PRDM16: variants seen among roughly 807,000 people sequenced by gnomAD.
The protein encoded by PRDM16 is histone-lysine N-methyltransferase PRDM16.
Under a neutral mutation model 110.6 loss-of-function variants are expected in PRDM16, and 23 were observed. The observed-to-expected ratio is 0.21, with a 90% confidence interval of 0.15 to 0.29. PRDM16 has a LOEUF of 0.29. Ranked by LOEUF, PRDM16 falls within the 10% of genes least tolerant of loss-of-function variation. The pLI, the probability that PRDM16 is intolerant of heterozygous loss-of-function variation, is 1.00. For synonymous variants in PRDM16, 799 were observed against 781.8 expected (o/e 1.02, Z -0.37); for missense variants, 1,615 against 1,794.3 (o/e 0.90, Z 1.81).
chr1:3,203,895 C>G (rs1030677765), intron 2 of PRDM16, among the ~76,000 whole-genome samples: 11 of 152,152 alleles, frequency 7.2e-5, no homozygotes, highest in African/African-American at 2.7e-4. Context: ...TGGGCCTGGG[C>G]ATTTCCAGGT....
chr1:3,313,248 A>G (rs567788830), intron 3 of PRDM16, among the ~76,000 whole-genome samples: 8 of 152,308 alleles, frequency 5.3e-5, no homozygotes, highest in African/African-American at 1.9e-4. Context: ...AAGGAATGTG[A>G]CCGCGCTGTC....
At position 3,402,900 on chromosome 1, in the gene PRDM16, G is replaced by A. The variant is rs1379077874; in HGVS notation, c.786G>A (p.Glu262=). ...GCTCAGTGGGGGCTGCGCTCTACGA[G>A]GGCCTGGCTGAGGAGCTCAAGCCCG... The part of the protein sequence containing the change: ...TCGSVGAALY[E]GLAEELKPEG... Residue 262 remains glutamate (E), a synonymous_variant, in exon 6 of 17, where the codon GAG becomes GAA. Coordinates refer to ENST00000270722, the MANE Select transcript of PRDM16 (RefSeq NM_022114.4). 1 of 1,613,002 alleles carries A rather than the reference G, an allele frequency of 6.2e-7. No individual in the cohort carries two copies. Among genetic ancestry groups the A allele is most frequent in the Non-Finnish European group, 8.5e-7 (1 of 1,179,990 alleles).
intron 1 of PRDM16, among the ~76,000 whole-genome samples, chr1:3,087,617 G>C (rs1275621212): frequency 2.6e-5 from 4 of 152,168 alleles, no homozygotes; most frequent in Non-Finnish European, 5.9e-5. Flanking sequence ...TGCATTCTTA[G>C]TCAAAAATGC....
intron 3 of PRDM16, among the ~76,000 whole-genome samples, chr1:3,378,958 A>T (rs1054805447): frequency 3.3e-5 from 5 of 151,922 alleles, no homozygotes; most frequent in African/African-American, 1.2e-4. Context: ...TGGACCCTCC[A>T]TGCTGGGACA....
chr1:3,300,685 A>T (rs1450329247), intron 3 of PRDM16, among the ~76,000 whole-genome samples: 2 of 152,204 alleles, frequency 1.3e-5, no homozygotes, highest in Non-Finnish European at 2.9e-5. Flanking sequence ...TCCACGCATC[A>T]TTGTTAGCAT....
intron 1 of PRDM16, among the ~76,000 whole-genome samples, chr1:3,146,974 T>G (rs1569686262): frequency 1.0e-5 from 1 of 99,130 alleles, no homozygotes. Flanking sequence ...GTGTGCTCGG[T>G]GTGGGGTGTG....
In PRDM16 at chr1:3,437,948, G is replaced by T. The variant is rs1403023527; in HGVS notation, c.*4137G>T. The T allele has an allele frequency of 1.8e-5, 4 of 219,726 alleles. No homozygotes were observed. The highest frequency in any genetic ancestry group is 4.5e-5 in the African/African-American group (2 of 44,548). The allele number at this position is 219,726 out of a possible 1,614,324, so 13.6% of individuals were successfully genotyped here. The stretch of plus-strand genomic sequence containing the variant: ...TATATGGACTTTGTCCCTTAAGGTC[G>T]ATATAAAGAATCCTCGCAGAATCAC... On this transcript the variant is annotated 3_prime_UTR_variant, in exon 17 of 17. Transcript: ENST00000270722.
rs1553161915 is a variant in PRDM16, at chr1:3,314,071, C to CGGGGGGCGG, written c.438+69940_438+69941insCGGGGGGGG. 7.9e-5 allele frequency among the ~76,000 whole-genome samples: 8 copies of CGGGGGGCGG among 100,656 alleles called. 2 individuals are homozygous for CGGGGGGCGG. Among genetic ancestry groups the CGGGGGGCGG allele is most frequent in the African/African-American group, 4.9e-4 (8 of 16,324 alleles). The allele number at this position is 100,656 out of a possible 152,430, so 66.0% of individuals were successfully genotyped here. A position where few individuals can be genotyped will look rare whatever the true frequency, so the allele number is the denominator to read the frequency against. The stretch of plus-strand genomic sequence containing the variant: ...GCCCCCGAATGCCGTCCTTCCCCAC[C>CGGGGGGCGG]GGGGGGGGGGGCGGGAACATAAAAT... On this transcript the variant is annotated intron_variant, in intron 3 of 16. Coordinates refer to ENST00000270722, the MANE Select transcript of PRDM16 (RefSeq NM_022114.4).
chr1:3,399,449 C>G (rs7551733), intron 5 of PRDM16, among the ~76,000 whole-genome samples: 40,357 of 152,100 alleles, frequency 0.27, 6,570 homozygotes, highest in East Asian at 0.61. Context: ...TCAGGGCCAG[C>G]CTTACCTGCC....
chr1:3,078,803 C>T (rs1028202733), intron 1 of PRDM16, among the ~76,000 whole-genome samples: 4 of 152,238 alleles, frequency 2.6e-5, no homozygotes, highest in Non-Finnish European at 4.4e-5. Flanking sequence ...TGATCCAGAC[C>T]TGGCAGCCGG....
Position 3,358,835 on chromosome 1 carries a change from T to C in PRDM16, c.439-26317T>C, listed in dbSNP as rs1642661978. ...TTCCTGCCGGGGAGGAGGGAGCTCA[T>C]TCCAAACTCAAGCCATTTTGAGGAA... On this transcript the variant is annotated intron_variant, in intron 3 of 16. Transcript: ENST00000270722. The surrounding 1 kb of genome is among the most constrained non-coding windows in gnomAD (Gnocchi z 4.0). 6.6e-6 allele frequency among the ~76,000 whole-genome samples: 1 copy of C among 152,136 alleles called. No homozygotes were observed. The highest frequency in any genetic ancestry group is 2.1e-4 in the South Asian group (1 of 4,832).
chr1:3,391,664 A>G (rs1215579835), intron 4 of PRDM16, among the ~76,000 whole-genome samples: 3 of 152,280 alleles, frequency 2.0e-5, no homozygotes, highest in African/African-American at 7.2e-5. Context: ...AAAATGCTTC[A>G]GCTATGTGCA....
At position 3,435,554 on chromosome 1, in the gene PRDM16, A is replaced by G; in HGVS notation, c.*1743A>G. On this transcript the variant is annotated 3_prime_UTR_variant, in exon 17 of 17. Coordinates refer to ENST00000270722, the MANE Select transcript of PRDM16 (RefSeq NM_022114.4). ...ATTGTTTGGAAGAAAAAATGATGATAGAGTCCCAAAAAGAAGAGAAAAAAA... is the reference window on the plus strand; with the variant it reads ...ATTGTTTGGAAGAAAAAATGATGATGGAGTCCCAAAAAGAAGAGAAAAAAA... 1 of 232,328 alleles carries G rather than the reference A, an allele frequency of 4.3e-6. No individual in the cohort carries two copies. The allele number at this position is 232,328 out of a possible 1,614,324, so 14.4% of individuals were successfully genotyped here.
chr1:3,167,477 GGCGAAGGGC>G (rs1434828518), intron 1 of PRDM16, among the ~76,000 whole-genome samples: 1 of 152,026 alleles, frequency 6.6e-6, no homozygotes, highest in Non-Finnish European at 1.5e-5. Context: ...GTGCAGCCGG[GGCGAAGGGC>G]CTCCCACTCA....
At chr1:3,404,618 A>T in intron 6 of PRDM16, 121 bp from the exon 7 acceptor site, 1 of 1,233,298 alleles carries the variant, frequency 8.1e-7, no homozygotes. Flanking sequence ...ATGTGCTCTG[A>T]TCCCTCGGCA....
chr1:3,381,798 G>A (rs1463791063), intron 3 of PRDM16, among the ~76,000 whole-genome samples: 1 of 152,190 alleles, frequency 6.6e-6, no homozygotes, highest in Non-Finnish European at 1.5e-5. Flanking sequence ...CATATATGAA[G>A]AGAGAGAGCC....
intron 2 of PRDM16, among the ~76,000 whole-genome samples, chr1:3,230,727 A>G (rs6424071): frequency 0.38 from 57,293 of 152,122 alleles, 15,903 homozygotes; most frequent in African/African-American, 0.77. Flanking sequence ...TGTTCCCAGC[A>G]GCCCTGCCTG....
At chr1:3,185,239 C>T (rs1374765646) in intron 1 of PRDM16, among the ~76,000 whole-genome samples, 1 of 152,140 alleles carries the variant, frequency 6.6e-6, no homozygotes, top group East Asian at 1.9e-4. Flanking sequence ...TATCTTGGCA[C>T]CCATCCTCTC....
rs61759193 is a variant in PRDM16 at position 3,290,698 on chromosome 1, C to G, written c.438+46561C>G. Among the ~76,000 whole-genome samples the G allele has an allele frequency of 6.6e-6, 1 of 152,096 alleles. No homozygotes were observed. The highest frequency in any genetic ancestry group is 2.4e-5 in the African/African-American group (1 of 41,412). On this transcript the variant is annotated intron_variant, in intron 3 of 16. Coordinates refer to ENST00000270722, the MANE Select transcript of PRDM16 (RefSeq NM_022114.4). The surrounding 1 kb of genome is among the most constrained non-coding windows in gnomAD (Gnocchi z 4.8). ...CCCACAACCCAGGGAAACAACAGGG[C>G]TCCAGGGGGACGTGCAGGGAGTGGA...
Sources: gnomAD v4.1 joint callset for allele counts (sites outside exome capture counted in the v4.1 genomes callset) on GRCh38, gnomAD v4.1.1 for gene constraint, Gnocchi (gnomAD v3.1) non-coding constraint, MANE v1.5 for transcripts, NCBI Gene and HGNC (gene_info 2026-07-23, HGNC 2026-07-21) for gene names.